The following CCNT2 variants were observed in gnomAD, a reference collection of about 807,000 sequenced individuals.
CCNT2 encodes cyclin T2.
Under a neutral mutation model 70.0 loss-of-function variants are expected in CCNT2, and 18 were observed. The observed-to-expected ratio is 0.26, with a 90% confidence interval of 0.18 to 0.38. CCNT2 has a LOEUF of 0.38. CCNT2 is among the 10% of genes least tolerant of loss of function. CCNT2 has a pLI of 1.00. For missense variants in CCNT2, 734 were observed against 890.2 expected (o/e 0.82, Z 2.23); for synonymous variants, 334 against 313.3 (o/e 1.07, Z -0.70).
chr2:134,942,587 GA>G (rs750416111), intron 4 of CCNT2, 24 bp from the exon 5 acceptor site: 25 of 1,585,956 alleles, frequency 1.6e-5, no homozygotes, highest in Admixed American at 6.8e-5. Flanking sequence ...TAAGAGATTG[GA>G]AAAAAAAGTG....
intron 5 of CCNT2, chr2:134,943,524 C>T (rs1484817465): frequency 7.1e-6 from 7 of 984,308 alleles, no homozygotes; most frequent in Non-Finnish European, 8.4e-6. Context: ...CTTTTTGTAA[C>T]GGAGAAATAA....
chr2:134,953,839 G>A lies in CCNT2; in HGVS notation c.1384G>A (p.Glu462Lys). The part of the protein sequence containing the change: ...VRDHYIAAQV[E>K]QQHKQGQSQA... ...GGATCATTATATAGCTGCCCAGGTA[G>A]AACAGCAGCACAAACAAGGGCAGTC... is the stretch of plus-strand genomic sequence containing the variant. Residue 462 changes from glutamate (E) to lysine (K), a missense_variant, in exon 9 of 9, where the codon GAA becomes AAA. Physicochemically the swap from Glu to Lys is moderately conservative, Grantham distance 56. Transcript: ENST00000264157. 1 of 1,614,044 alleles carries A rather than the reference G, an allele frequency of 6.2e-7. No homozygotes were observed. Among genetic ancestry groups the A allele is most frequent in the Non-Finnish European group, 8.5e-7 (1 of 1,179,956 alleles).
chr2:134,941,546 A>C (rs1287989489), intron 4 of CCNT2, among the ~76,000 whole-genome samples: 1 of 152,182 alleles, frequency 6.6e-6, no homozygotes, highest in East Asian at 1.9e-4. Context: ...TGCGTTGTTC[A>C]GAGGTCAGCT....
At chr2:134,935,548 A>C (rs1434789791) in intron 2 of CCNT2, among the ~76,000 whole-genome samples, 1 of 152,204 alleles carries the variant, frequency 6.6e-6, no homozygotes, top group African/African-American at 2.4e-5. Context: ...TGCAAGACAT[A>C]GTGAGGCTCA....
intron 2 of CCNT2, among the ~76,000 whole-genome samples, chr2:134,925,572 T>C (rs150155157): frequency 2.0e-4 from 31 of 152,330 alleles, no homozygotes; most frequent in Non-Finnish European, 4.3e-4. Context: ...TCAAGGCTCA[T>C]CTATGTTGTT....
At chr2:134,920,894 T>A (rs1323900998) in intron 2 of CCNT2, among the ~76,000 whole-genome samples, 1 of 152,234 alleles carries the variant, frequency 6.6e-6, no homozygotes, top group Non-Finnish European at 1.5e-5. Context: ...AGTCCTACCT[T>A]AATCTCTTCG....
intron 7 of CCNT2, among the ~76,000 whole-genome samples, chr2:134,950,619 A>G (rs1021673610): frequency 6.6e-5 from 10 of 152,300 alleles, no homozygotes; most frequent in Admixed American, 6.5e-5. Context: ...CCTGGGCAAC[A>G]GAGGAAACCC....
chr2:134,944,954 G>C, intron 5 of CCNT2: 1 of 985,196 alleles, frequency 1.0e-6, no homozygotes, highest in African/African-American at 1.7e-5. Context: ...TGATTTCTGT[G>C]AAGTCTTTTT....
rs1683077009 is a variant in CCNT2 at position 134,959,160 on chromosome 2, TGTA to T, written c.*4513_*4515del. ...TTAGGAAAAATACATACTCATTTGT[TGTA>T]AACAGTGATTGTGGGGTTTCATTTT... On this transcript the variant is annotated 3_prime_UTR_variant, in exon 9 of 9. Transcript: ENST00000264157. 1 of 152,220 alleles carries T rather than the reference TGTA, an allele frequency of 6.6e-6. No individual in the cohort carries two copies. 9.4% of individuals were successfully genotyped at this position (152,220 alleles called of 1,614,324 possible).
intron 7 of CCNT2, among the ~76,000 whole-genome samples, chr2:134,952,126 T>C (rs1049044608): frequency 6.6e-6 from 1 of 152,198 alleles, no homozygotes; most frequent in Non-Finnish European, 1.5e-5. Flanking sequence ...TGATACGTCT[T>C]ATAACTGGTC....
At chr2:134,928,295 T>TTTTTTTTTTTTTTTTTTTTTTTTTTTG in intron 2 of CCNT2, among the ~76,000 whole-genome samples, 1 of 136,252 alleles carries the variant, frequency 7.3e-6, no homozygotes, top group Non-Finnish European at 1.6e-5. Context: ...TTTTTTTTTC[T>TTTTTTTTTTTTTTTTTTTTTTTTTTTG]GAGACGGAGT....
At chr2:134,943,624 C>T (rs1681730957) in intron 5 of CCNT2, 2 of 981,584 alleles carry the variant, frequency 2.0e-6, no homozygotes, top group Non-Finnish European at 2.4e-6. Context: ...TGCTTTACTG[C>T]TTGTAAAGTA....
chr2:134,939,115 C>A (rs1446724797), intron 4 of CCNT2, 53 bp downstream of exon 4: 1 of 1,129,490 alleles, frequency 8.9e-7, no homozygotes, highest in Non-Finnish European at 1.3e-6. Context: ...CTAAAGCATT[C>A]TAAATAAGTG....
At chr2:134,944,331 TGAA>T (rs1186473373) in intron 5 of CCNT2, 5 of 971,910 alleles carry the variant, frequency 5.1e-6, no homozygotes, top group Non-Finnish European at 1.2e-6. Flanking sequence ...AAGAGCCTAT[TGAA>T]GAAACATTAG....
At chr2:134,949,881 C>T (rs1217270941) in intron 7 of CCNT2, among the ~76,000 whole-genome samples, 1 of 151,996 alleles carries the variant, frequency 6.6e-6, no homozygotes, top group Non-Finnish European at 1.5e-5. Context: ...CTGCACCCTC[C>T]GCCTCCCGGG....
rs759797904 is a variant in CCNT2, at chr2:134,954,108, T to A, written c.1653T>A (p.His551Gln). 3 of 1,614,114 alleles carry A rather than the reference T, an allele frequency of 1.9e-6. No individual in the cohort carries two copies. Among genetic ancestry groups the A allele is most frequent in the Middle Eastern group, 1.6e-4 (1 of 6,062 alleles). ...GGAAGAGCAAACATTCAAGCCCACA[T>A]ATTAGCAGAGACCATAAGGAGAAGC... ...GSGKSKHSSP[H>Q]ISRDHKEKHK... Residue 551 changes from histidine to glutamine, a missense_variant, in exon 9 of 9, where the codon CAT becomes CAA. Around this residue, in one of 3 missense-constraint regions of CCNT2, gnomAD observed 532 missense variants for 556.9 expected, o/e 0.96. Coordinates refer to ENST00000264157, the MANE Select transcript of CCNT2 (RefSeq NM_058241.3).
chr2:134,920,235 G>A (rs987872291), intron 2 of CCNT2: 11 of 165,006 alleles, frequency 6.7e-5, no homozygotes, highest in East Asian at 1.8e-4. Context: ...AAGCCTGGTC[G>A]TTCTGTGATA....
chr2:134,933,199 G>A (rs1680910101), intron 2 of CCNT2, among the ~76,000 whole-genome samples: 1 of 152,190 alleles, frequency 6.6e-6, no homozygotes, highest in African/African-American at 2.4e-5. Context: ...TGGATTGGGA[G>A]ATTTAATGTT....
chr2:134,943,995 TTA>T (rs1681761696), intron 5 of CCNT2: 9 of 976,252 alleles, frequency 9.2e-6, no homozygotes, highest in Non-Finnish European at 9.7e-6. Flanking sequence ...TAGTGATTTA[TTA>T]TGTTAGTGGC....
Sources: allele counts gnomAD v4.1 joint callset (sites outside exome capture counted in the v4.1 genomes callset), GRCh38; gene constraint gnomAD v4.1.1; regional missense constraint gnomAD v4.1.1; transcripts MANE v1.5; gene names NCBI Gene and HGNC (gene_info 2026-07-23, HGNC 2026-07-21).